CCDC171: variants seen among roughly 807,000 people sequenced by gnomAD.
CCDC171 encodes coiled-coil domain-containing protein 171.
CCDC171 carries 177 observed loss-of-function variants against 168.2 expected under a neutral mutation model. The observed-to-expected ratio is 1.05, with a 90% CI of 0.93 to 1.19. The LOEUF is 1.19. CCDC171 is among the 50% of genes most tolerant of loss of function. The pLI is 0.00. For synonymous variants in CCDC171, 687 were observed against 540.8 expected (o/e 1.27, Z -3.75); for missense variants, 1,991 against 1,539.0 (o/e 1.29, Z -4.91).
rs1309370045 is a variant in CCDC171, at chr9:15,755,670, A to G, written c.2671+10039A>G. The stretch of plus-strand genomic sequence containing the variant: ...TATAATGTGAATGATCCCTGAAGAC[A>G]TTATGTAGTGAAAGAGGATGGTGAC... On this transcript the variant is annotated intron_variant, in intron 18 of 25. Coordinates refer to ENST00000380701, the MANE Select transcript of CCDC171 (RefSeq NM_173550.4). Among the ~76,000 whole-genome samples the G allele has an allele frequency of 5.3e-5, 8 of 152,332 alleles. No homozygotes were observed. In the South Asian group the frequency reaches 1.4e-3, roughly 28 times the overall value.
intron 25 of CCDC171, among the ~76,000 whole-genome samples, chr9:15,947,752 A>G (rs1455849552): frequency 6.6e-6 from 1 of 151,750 alleles, no homozygotes; most frequent in Non-Finnish European, 1.5e-5. Context: ...TCATTTGGTG[A>G]TTCTATTTTT....
chr9:15,910,419 G>A (rs2131822282), intron 24 of CCDC171, among the ~76,000 whole-genome samples: 1 of 152,144 alleles, frequency 6.6e-6, no homozygotes, highest in Non-Finnish European at 1.5e-5. Flanking sequence ...CTGTTCCATT[G>A]ATCTGTATGT....
Position 15,599,528 on chromosome 9 carries a change from T to G in CCDC171, c.675+5356T>G, listed in dbSNP as rs989812995. Among the ~76,000 whole-genome samples the G allele has an allele frequency of 3.9e-5, 6 of 152,362 alleles. No homozygotes were observed. In the South Asian group the frequency reaches 1.2e-3, roughly 32 times the overall value. ...TCTGCCGAGAGATCCGCTGTTAGTC[T>G]GATGGGCTTCCATTTGTGGGTCACC... On this transcript the variant is annotated intron_variant, in intron 6 of 25. Coordinates refer to ENST00000380701, the MANE Select transcript of CCDC171 (RefSeq NM_173550.4).
intron 1 of CCDC171, among the ~76,000 whole-genome samples, chr9:15,563,149 T>C (rs923797940): frequency 2.0e-5 from 3 of 150,946 alleles, no homozygotes; most frequent in South Asian, 4.2e-4. Flanking sequence ...CTTTTTTTTT[T>C]TTTTTTGACA....
chr9:15,771,687 A>G (rs971174860), intron 18 of CCDC171, among the ~76,000 whole-genome samples: 3 of 152,226 alleles, frequency 2.0e-5, no homozygotes, highest in Non-Finnish European at 4.4e-5. Flanking sequence ...AGTTACTGAG[A>G]AAGGCTAGCC....
At chr9:15,642,504 A>C (rs2046720870) in intron 7 of CCDC171, among the ~76,000 whole-genome samples, 3 of 151,440 alleles carry the variant, frequency 2.0e-5, no homozygotes, top group Admixed American at 2.0e-4. Flanking sequence ...TATTGGAAAA[A>C]ATTTTTTTGA....
rs191582166 is a variant in CCDC171 at position 15,770,405 on chromosome 9, G to C, written c.2672-7195G>C. Among the ~76,000 whole-genome samples, 3 of 152,158 alleles carry C rather than the reference G, an allele frequency of 2.0e-5. No individual in the cohort carries two copies. In the East Asian group the frequency reaches 5.8e-4, roughly 29 times the overall value. On this transcript the variant is annotated intron_variant, in intron 18 of 25. Coordinates refer to ENST00000380701, the MANE Select transcript of CCDC171 (RefSeq NM_173550.4). ...TATTACAGAAAAATTAGTTTCCTTT[G>C]TAATCCCACATCTCTTGATTTATGG...
intron 7 of CCDC171, among the ~76,000 whole-genome samples, chr9:15,632,247 A>C (rs10810414): frequency 7.0e-6 from 1 of 142,280 alleles, no homozygotes; most frequent in Non-Finnish European, 1.5e-5. Flanking sequence ...GTTTGCAGAC[A>C]ACATGATTGT....
At chr9:15,650,519 T>C (rs1365741431) in intron 7 of CCDC171, among the ~76,000 whole-genome samples, 5 of 152,214 alleles carry the variant, frequency 3.3e-5, no homozygotes, top group African/African-American at 1.2e-4. Context: ...CAGTTATTGG[T>C]CATTTACATA....
intron 11 of CCDC171, among the ~76,000 whole-genome samples, chr9:15,714,098 T>G (rs2052896664): frequency 6.6e-6 from 1 of 152,210 alleles, no homozygotes; most frequent in Non-Finnish European, 1.5e-5. Flanking sequence ...ACTGTCATTC[T>G]GTAAGATCCA....
In CCDC171 at chr9:15,791,678, T is replaced by C. The variant is rs977503092; in HGVS notation, c.3267+6984T>C. On this transcript the variant is annotated intron_variant, in intron 21 of 25. Coordinates refer to ENST00000380701, the MANE Select transcript of CCDC171 (RefSeq NM_173550.4). ...AGGGCATCCCTGTCTGTGACAGTTT[T>C]CAAAGGGAACTCTGCTGCTGATACC... Among the ~76,000 whole-genome samples, 10 of 152,142 alleles carry C rather than the reference T, an allele frequency of 6.6e-5. No individual in the cohort carries two copies. The South Asian group carries it at 8.3e-4, about 13-fold the overall frequency.
intron 11 of CCDC171, among the ~76,000 whole-genome samples, chr9:15,710,703 C>G (rs900013451): frequency 6.6e-6 from 1 of 152,108 alleles, no homozygotes; most frequent in Non-Finnish European, 1.5e-5. Flanking sequence ...TCAAGCGATT[C>G]TCCTGCCTCA....
intron 23 of CCDC171, among the ~76,000 whole-genome samples, chr9:15,862,167 C>G (rs1469276193): frequency 1.4e-5 from 1 of 72,008 alleles, no homozygotes; most frequent in Non-Finnish European, 2.9e-5. Context: ...TAAAAATTCT[C>G]TTTTTTTGAA....
chr9:15,651,384 C>T (rs1281502035), intron 7 of CCDC171, among the ~76,000 whole-genome samples: 2 of 151,760 alleles, frequency 1.3e-5, no homozygotes, highest in Non-Finnish European at 2.9e-5. Context: ...ACTGGGATTA[C>T]AGGCGTGAGC....
intron 21 of CCDC171, among the ~76,000 whole-genome samples, chr9:15,791,709 A>T (rs371154601): frequency 2.0e-5 from 3 of 152,172 alleles, no homozygotes; most frequent in Non-Finnish European, 2.9e-5. Context: ...ATACCCGGCA[A>T]ACAGGGTCTG....
At chr9:15,870,525 C>T (rs1448369228) in intron 23 of CCDC171, among the ~76,000 whole-genome samples, 2 of 151,802 alleles carry the variant, frequency 1.3e-5, no homozygotes, top group Non-Finnish European at 1.5e-5. Flanking sequence ...CTTTCCCAGG[C>T]ATTCAGGATT....
intron 21 of CCDC171, among the ~76,000 whole-genome samples, chr9:15,801,751 G>T (rs1220875375): frequency 6.6e-6 from 1 of 152,000 alleles, no homozygotes; most frequent in Admixed American, 6.6e-5. Flanking sequence ...CTAGCTGTGG[G>T]TCTGTCATAT....
intron 23 of CCDC171, among the ~76,000 whole-genome samples, chr9:15,868,681 C>T (rs188569628): frequency 6.1e-4 from 93 of 152,038 alleles, no homozygotes; most frequent in Non-Finnish European, 1.0e-3. Context: ...AATGGAAGTA[C>T]CAAAATCTTA....
chr9:15,999,262 AAG>A (rs928892566), intron 3 of CCDC171, among the ~76,000 whole-genome samples: 1 of 150,870 alleles, frequency 6.6e-6, no homozygotes, highest in Non-Finnish European at 1.5e-5. Flanking sequence ...GAAAGAGAGA[AAG>A]AGAAAGAAAG....
Sources: gnomAD v4.1 joint callset for allele counts (sites outside exome capture counted in the v4.1 genomes callset) on GRCh38, gnomAD v4.1.1 for gene constraint, MANE v1.5 for transcripts, NCBI Gene and HGNC (gene_info 2026-07-23, HGNC 2026-07-21) for gene names.